Variants in ST8SIA6 observed in about 807,000 individuals in gnomAD.
ST8SIA6 encodes the protein ST8 alpha-N-acetyl-neuraminide alpha-2,8-sialyltransferase 6, also known as alpha-2,8-sialyltransferase 8F.
In ST8SIA6, 39 loss-of-function variants were observed where a neutral mutation model predicts 33.6. That is an observed-to-expected ratio of 1.16 (90% CI 0.90 to 1.52). The LOEUF (loss-of-function observed/expected upper bound fraction) is 1.52, where lower values mean the gene tolerates loss of function less well. ST8SIA6 is among the 40% of genes most tolerant of loss of function. The pLI is 0.00. For missense variants in ST8SIA6, 441 were observed against 443.8 expected, an observed-to-expected ratio of 0.99 and a Z score of 0.06; for synonymous variants, 172 against 167.2, an observed-to-expected ratio of 1.03 and a Z score of -0.22.
chr10:17,429,039 A>C lies in ST8SIA6; in HGVS notation c.200+24520T>G, dbSNP rs77447959. On this transcript the variant is annotated intron_variant, in intron 2 of 7. Transcript: ENST00000377602. The stretch of plus-strand genomic sequence containing the variant: ...TCATGATGATATTAGTAGCACATAC[A>C]GTAAGCGGGATCTGGGGCTTCATTT... Among the ~76,000 whole-genome samples, 1,230 of 151,938 alleles carry C rather than the reference A, an allele frequency of 8.1e-3. 19 individuals are homozygous for C. Among genetic ancestry groups the C allele is most frequent in the African/African-American group, 0.029 (1,190 of 41,426 alleles).
rs560193038 is a variant in ST8SIA6, at chr10:17,346,781, T to TA, written c.377+12732dup. 3.5e-3 allele frequency among the ~76,000 whole-genome samples: 539 copies of TA among 152,294 alleles called. 4 individuals carry two copies. Among genetic ancestry groups the TA allele is most frequent in the African/African-American group, 0.012 (515 of 41,566 alleles). On this transcript the variant is annotated intron_variant, in intron 4 of 7. Transcript: ENST00000377602. ...TGTGTGTCTGGGCTCTCCAGAAAAA[T>TA]ACAATCAACAGTCTATCATCTATCT...
chr10:17,432,444 C>T (rs7911857), intron 2 of ST8SIA6, among the ~76,000 whole-genome samples: 29,154 of 152,190 alleles, frequency 0.19, 4,549 homozygotes, highest in African/African-American at 0.44. Flanking sequence ...TGATGTAATG[C>T]GTACGAATGT....
Position 17,355,723 on chromosome 10 carries a change from A to G in ST8SIA6, c.377+3791T>C, listed in dbSNP as rs554236059. 3.9e-5 allele frequency among the ~76,000 whole-genome samples: 6 copies of G among 152,270 alleles called. No individual in the cohort carries two copies. The South Asian group carries it at 1.2e-3, about 32-fold the overall frequency. The stretch of plus-strand genomic sequence containing the variant: ...AATTTGTAATTCCTTTGCTAGCAAT[A>G]TTGCTCTTGGGCTCCTGGTAGCTAC... On this transcript the variant is annotated intron_variant, in intron 4 of 7. Coordinates refer to ENST00000377602, the MANE Select transcript of ST8SIA6 (RefSeq NM_001004470.3).
chr10:17,440,886 A>C (rs774498244), intron 2 of ST8SIA6, among the ~76,000 whole-genome samples: 1 of 152,226 alleles, frequency 6.6e-6, no homozygotes, highest in Non-Finnish European at 1.5e-5. Flanking sequence ...TCACATGCTT[A>C]TTAGCCATCT....
At chr10:17,366,700 C>T (rs183147155) in intron 3 of ST8SIA6, among the ~76,000 whole-genome samples, 2 of 152,054 alleles carry the variant, frequency 1.3e-5, no homozygotes, top group African/African-American at 2.4e-5. Flanking sequence ...ACAGGTGACC[C>T]AGAAAGAGCT....
chr10:17,434,077 G>C (rs1852179910), intron 2 of ST8SIA6, among the ~76,000 whole-genome samples: 1 of 151,940 alleles, frequency 6.6e-6, no homozygotes, highest in Admixed American at 6.6e-5. Context: ...CTCTCCCCTG[G>C]GCTACCCCCT....
intron 4 of ST8SIA6, among the ~76,000 whole-genome samples, chr10:17,336,493 C>T (rs950246413): frequency 6.6e-6 from 1 of 152,040 alleles, no homozygotes; most frequent in Admixed American, 6.5e-5. Flanking sequence ...TCCTATCTCC[C>T]GACCCTCCGC....
chr10:17,390,861 CTT>C (rs58598287), intron 2 of ST8SIA6, among the ~76,000 whole-genome samples: 44 of 140,368 alleles, frequency 3.1e-4, no homozygotes, highest in Admixed American at 2.8e-4. Flanking sequence ...TTTTGAAGAC[CTT>C]TTTTTTTTTT....
intron 2 of ST8SIA6, among the ~76,000 whole-genome samples, chr10:17,407,611 C>G (rs1159436257): frequency 6.6e-6 from 1 of 152,132 alleles, no homozygotes; most frequent in African/African-American, 2.4e-5. Context: ...GCTGGGTTGC[C>G]CTGTGAGTAA....
intron 1 of ST8SIA6, 126 bp from the exon 2 acceptor site, chr10:17,453,783 C>T (rs1853011677): frequency 1.5e-6 from 1 of 677,726 alleles, no homozygotes; most frequent in Admixed American, 4.3e-5. Flanking sequence ...GCCAGGTCCC[C>T]AGCCCCAGAG....
chr10:17,454,503 G>C lies in ST8SIA6; in HGVS notation c.-248C>G, dbSNP rs1853050788. Among the ~76,000 whole-genome samples, 1 of 151,852 alleles carries C rather than the reference G, an allele frequency of 6.6e-6. No homozygotes were observed. The highest frequency in any genetic ancestry group is 2.1e-4 in the South Asian group (1 of 4,834). ...CCCCGGCCCGCGGAGCGCCGCGATCGGCTGGCAGATGACGATTCGCCGAGC... is the reference window on the plus strand; with the variant it reads ...CCCCGGCCCGCGGAGCGCCGCGATCCGCTGGCAGATGACGATTCGCCGAGC... On this transcript the variant is annotated 5_prime_UTR_variant, in exon 1 of 8. Transcript: ENST00000377602. The surrounding 1 kb of genome is among the most constrained non-coding windows in gnomAD (Gnocchi z 4.1).
chr10:17,356,672 G>T (rs572201399), intron 4 of ST8SIA6, among the ~76,000 whole-genome samples: 7 of 152,254 alleles, frequency 4.6e-5, no homozygotes, highest in Admixed American at 1.3e-4. Flanking sequence ...GCAGTTATGA[G>T]CCACTGCACC....
chr10:17,421,400 A>G (rs76396645), intron 2 of ST8SIA6, among the ~76,000 whole-genome samples: 2,135 of 152,292 alleles, frequency 0.014, 25 homozygotes, highest in Middle Eastern at 0.034. Flanking sequence ...AATCCAATTT[A>G]CAGCAGTCCG....
intron 3 of ST8SIA6, among the ~76,000 whole-genome samples, chr10:17,382,667 G>T (rs563054911): frequency 3.3e-4 from 50 of 152,226 alleles, no homozygotes; most frequent in African/African-American, 1.2e-3. Context: ...AACACTGATA[G>T]CAATTAAAGC....
chr10:17,326,011 C>T (rs1298941576), intron 6 of ST8SIA6, among the ~76,000 whole-genome samples: 3 of 152,148 alleles, frequency 2.0e-5, no homozygotes, highest in Admixed American at 6.5e-5. Context: ...GGCTTTTTCA[C>T]ACTGGATACT....
At chr10:17,359,878 A>G (rs965858064) in intron 3 of ST8SIA6, among the ~76,000 whole-genome samples, 1 of 152,136 alleles carries the variant, frequency 6.6e-6, no homozygotes, top group Non-Finnish European at 1.5e-5. Context: ...TATCTAATGG[A>G]CATTTCACCT....
At position 17,318,347 on chromosome 10, in the gene ST8SIA6, CTG is replaced by C. The variant is rs1847840339; in HGVS notation, c.*2529_*2530del. On this transcript the variant is annotated 3_prime_UTR_variant, in exon 8 of 8. Transcript: ENST00000377602. ...CCTCCCTCCTTAGCCTCCCAAGTAG[CTG>C]GGACCACAGGTGCACGCCACTATGC... is the stretch of plus-strand genomic sequence containing the variant. The C allele has an allele frequency of 4.3e-6, 1 of 230,252 alleles. No homozygotes were observed. The highest frequency in any genetic ancestry group is 5.2e-5 in the Admixed American group (1 of 19,050). 14.3% of individuals were successfully genotyped at this position (230,252 alleles called of 1,614,324 possible). A position where few individuals can be genotyped will look rare whatever the true frequency, so the allele number is the denominator to read the frequency against.
intron 2 of ST8SIA6, among the ~76,000 whole-genome samples, chr10:17,448,667 G>C (rs113867574): frequency 0.092 from 13,908 of 151,968 alleles, 1,470 homozygotes; most frequent in African/African-American, 0.26. Context: ...CCAGGCTGGA[G>C]TGCAGTGGCA....
chr10:17,343,517 A>G lies in ST8SIA6; in HGVS notation c.378-11965T>C, dbSNP rs192121211. 1.8e-3 allele frequency among the ~76,000 whole-genome samples: 269 copies of G among 152,368 alleles called. 1 individual carries two copies. The highest frequency in any genetic ancestry group is 6.2e-3 in the African/African-American group (257 of 41,586). On this transcript the variant is annotated intron_variant, in intron 4 of 7. Transcript: ENST00000377602. Reference sequence around the variant, plus strand: ...AGAGAGGTGGAGAGGTTAAAGAGAAAGAGCAAACTAAGACTGCAGAAACCA... The same window carrying G: ...AGAGAGGTGGAGAGGTTAAAGAGAAGGAGCAAACTAAGACTGCAGAAACCA...
Sources: gnomAD v4.1 joint callset for allele counts (sites outside exome capture counted in the v4.1 genomes callset) on GRCh38, gnomAD v4.1.1 for gene constraint, Gnocchi (gnomAD v3.1) non-coding constraint, MANE v1.5 for transcripts, NCBI Gene and HGNC (gene_info 2026-07-23, HGNC 2026-07-21) for gene names.